Variants in CPED1 observed in about 807,000 individuals in gnomAD.
The protein encoded by CPED1 is cadherin like and PC-esterase domain containing 1.
In CPED1, 114 loss-of-function variants were observed where a neutral mutation model predicts 128.2. The observed-to-expected ratio is 0.89, with a 90% confidence interval of 0.76 to 1.04. The LOEUF is 1.04. Ranked by LOEUF, CPED1 falls within the 50% of genes least tolerant of loss-of-function variation. CPED1 has a pLI of 0.00. For missense variants in CPED1, 1,211 were observed against 1,207.1 expected, an observed-to-expected ratio of 1.00 and a Z score of -0.05; for synonymous variants, 462 against 426.7, an observed-to-expected ratio of 1.08 and a Z score of -1.02.
intron 16 of CPED1, among the ~76,000 whole-genome samples, chr7:121,207,172 A>G (rs1233914383): frequency 6.6e-6 from 1 of 151,934 alleles, no homozygotes; most frequent in South Asian, 2.1e-4. Flanking sequence ...AGATTTTCTT[A>G]TGCTTTGCTA....
chr7:121,175,306 A>G (rs755136443), intron 16 of CPED1, among the ~76,000 whole-genome samples: 3 of 152,110 alleles, frequency 2.0e-5, no homozygotes, highest in Non-Finnish European at 4.4e-5. Flanking sequence ...TTTCAAGGGG[A>G]ATGCTTCCAG....
intron 10 of CPED1, among the ~76,000 whole-genome samples, chr7:121,127,542 T>C (rs1477130061): frequency 1.5e-5 from 1 of 66,656 alleles, no homozygotes; most frequent in Non-Finnish European, 3.9e-5. Flanking sequence ...TTTCTTTCTT[T>C]TTTTTTTTTT....
intron 16 of CPED1, among the ~76,000 whole-genome samples, chr7:121,169,810 A>G (rs1796609374): frequency 6.6e-6 from 1 of 152,198 alleles, no homozygotes; most frequent in South Asian, 2.1e-4. Flanking sequence ...GGACTGATAA[A>G]ATAATTTTGA....
intron 3 of CPED1, among the ~76,000 whole-genome samples, chr7:121,045,104 A>T (rs756054478): frequency 1.3e-5 from 2 of 152,198 alleles, no homozygotes; most frequent in African/African-American, 2.4e-5. Context: ...TATTGGATTC[A>T]TCATATAGTA....
chr7:121,232,149 A>G (rs1798154880), intron 16 of CPED1, among the ~76,000 whole-genome samples: 1 of 152,122 alleles, frequency 6.6e-6, no homozygotes, highest in Admixed American at 6.6e-5. Flanking sequence ...CCTTCCCTGG[A>G]GATGGCTACA....
chr7:121,231,997 C>T (rs1056911525), intron 16 of CPED1, among the ~76,000 whole-genome samples: 1 of 151,928 alleles, frequency 6.6e-6, no homozygotes, highest in Non-Finnish European at 1.5e-5. Flanking sequence ...TACATGGAAG[C>T]ATAATTAAGA....
chr7:121,061,466 G>T (rs539107468), intron 4 of CPED1, among the ~76,000 whole-genome samples: 31 of 152,254 alleles, frequency 2.0e-4, no homozygotes, highest in Non-Finnish European at 3.8e-4. Flanking sequence ...TGATAATTCG[G>T]ATGATAATGA....
chr7:121,083,276 G>A (rs1315563615), intron 5 of CPED1, among the ~76,000 whole-genome samples: 1 of 152,188 alleles, frequency 6.6e-6, no homozygotes, highest in Non-Finnish European at 1.5e-5. Flanking sequence ...TTCATGATGA[G>A]TCAGATGTGG....
At chr7:121,201,180 T>C (rs924762499) in intron 16 of CPED1, among the ~76,000 whole-genome samples, 1 of 152,022 alleles carries the variant, frequency 6.6e-6, no homozygotes, top group Non-Finnish European at 1.5e-5. Flanking sequence ...AAATGTACTT[T>C]TCTATCGAGA....
At chr7:121,253,600 G>A (rs1398758701) in intron 18 of CPED1, among the ~76,000 whole-genome samples, 1 of 151,948 alleles carries the variant, frequency 6.6e-6, no homozygotes, top group Non-Finnish European at 1.5e-5. Flanking sequence ...AAATGTAAAT[G>A]GGCTAAATGA....
intron 18 of CPED1, among the ~76,000 whole-genome samples, chr7:121,251,897 T>C (rs1426810919): frequency 6.6e-6 from 1 of 151,382 alleles, no homozygotes; most frequent in Admixed American, 6.6e-5. Flanking sequence ...CCCAAGGTAA[T>C]TTACAGATTC....
At chr7:121,070,956 C>T (rs1482479891) in intron 5 of CPED1, among the ~76,000 whole-genome samples, 2 of 152,096 alleles carry the variant, frequency 1.3e-5, no homozygotes, top group African/African-American at 4.8e-5. Flanking sequence ...CTGACTTGAT[C>T]CAGGGACAGA....
chr7:121,240,804 G>A (rs1798374491), intron 17 of CPED1, among the ~76,000 whole-genome samples: 1 of 150,080 alleles, frequency 6.7e-6, no homozygotes, highest in Admixed American at 6.6e-5. Flanking sequence ...GAGGGAGAAA[G>A]GACACACTCT....
chr7:121,226,866 A>G (rs868219085), intron 16 of CPED1, among the ~76,000 whole-genome samples: 18 of 152,164 alleles, frequency 1.2e-4, no homozygotes, highest in South Asian at 4.1e-4. Context: ...GAATCAGACA[A>G]TAGCTACTCA....
intron 21 of CPED1, 122 bp downstream of exon 21, chr7:121,267,424 T>G (rs1584643558): frequency 6.2e-6 from 3 of 480,742 alleles, no homozygotes; most frequent in East Asian, 3.3e-5. Flanking sequence ...AAAAAGAGAT[T>G]GTGCTTTAAG....
intron 16 of CPED1, among the ~76,000 whole-genome samples, chr7:121,151,673 T>A (rs1256888840): frequency 6.6e-6 from 1 of 152,230 alleles, no homozygotes; most frequent in African/African-American, 2.4e-5. Flanking sequence ...AAAGTGGTTA[T>A]GAGTTGTAGG....
intron 7 of CPED1, among the ~76,000 whole-genome samples, chr7:121,104,330 A>T (rs1323193101): frequency 6.6e-6 from 1 of 152,174 alleles, no homozygotes; most frequent in Non-Finnish European, 1.5e-5. Flanking sequence ...GGTTAAATGC[A>T]TCTATGTCTG....
At chr7:120,990,612 A>G (rs1012606279) in intron 2 of CPED1, among the ~76,000 whole-genome samples, 3 of 152,196 alleles carry the variant, frequency 2.0e-5, no homozygotes, top group Non-Finnish European at 4.4e-5. Flanking sequence ...GACCTGTAAC[A>G]TAGTCAAGTG....
intron 16 of CPED1, among the ~76,000 whole-genome samples, chr7:121,172,308 G>A (rs928490457): frequency 1.3e-4 from 19 of 151,730 alleles, no homozygotes; most frequent in African/African-American, 3.6e-4. Flanking sequence ...TTTACAATGC[G>A]AAGCAGATTT....
Sources: allele counts gnomAD v4.1 joint callset (sites outside exome capture counted in the v4.1 genomes callset), GRCh38; gene constraint gnomAD v4.1.1; transcripts MANE v1.5; gene names NCBI Gene and HGNC (gene_info 2026-07-23, HGNC 2026-07-21).